The following EPM2A variants were observed in gnomAD, a reference collection of about 807,000 sequenced individuals.
EPM2A encodes the protein laforin.
EPM2A carries 21 observed loss-of-function variants against 26.5 expected under a neutral mutation model. The ratio of observed to expected loss-of-function variants is 0.79; its 90% CI spans 0.56 to 1.14. The LOEUF (loss-of-function observed/expected upper bound fraction) is 1.14, where lower values mean the gene tolerates loss of function less well. Among genes scored for constraint, EPM2A ranks in the 50% most tolerant of loss-of-function variants. The probability of loss-of-function intolerance (pLI) is 0.00; values close to 1 mark genes in which losing one functional copy is unlikely to be tolerated. For missense variants in EPM2A, 458 were observed against 440.8 expected, an observed-to-expected ratio of 1.04 and a Z score of -0.35; for synonymous variants, 217 against 177.6, an observed-to-expected ratio of 1.22 and a Z score of -1.76.
chr6:145,421,484 C>G lies in EPM2A; in HGVS notation c.556-37387G>C, dbSNP rs9497299. Among the ~76,000 whole-genome samples the G allele has an allele frequency of 5.9e-3, 903 of 151,818 alleles. 6 individuals carry two copies. Among genetic ancestry groups the G allele is most frequent in the African/African-American group, 0.021 (865 of 41,418 alleles). On this transcript the variant is annotated intron_variant, in intron 4 of 4. Transcript: ENST00000638717. ...CTTTGTAAAGGTGAAAATAGTATTA[C>G]AGAATAATTTTAATTTCTGTGGATG...
intron 4 of EPM2A, among the ~76,000 whole-genome samples, chr6:145,386,122 G>A (rs1778258622): frequency 6.6e-6 from 1 of 152,034 alleles, no homozygotes; most frequent in African/African-American, 2.4e-5. Flanking sequence ...AGATTTTAGG[G>A]AAAGGTGTAA....
intron 2 of EPM2A, among the ~76,000 whole-genome samples, chr6:145,603,551 T>C (rs994177440): frequency 1.3e-5 from 2 of 152,258 alleles, no homozygotes; most frequent in Non-Finnish European, 2.9e-5. Context: ...TCTCCTGGCA[T>C]GTAGCAGGTG....
intron 2 of EPM2A, among the ~76,000 whole-genome samples, chr6:145,598,616 C>T (rs1401003314): frequency 2.0e-5 from 3 of 152,070 alleles, no homozygotes; most frequent in African/African-American, 7.2e-5. Flanking sequence ...TTAATTAGAT[C>T]CCAGTTGTCA....
chr6:145,481,452 C>A (rs1779610380), intron 4 of EPM2A, among the ~76,000 whole-genome samples: 1 of 152,046 alleles, frequency 6.6e-6, no homozygotes, highest in Admixed American at 6.6e-5. Flanking sequence ...TCAGGGAAAG[C>A]ATTACCGGTA....
intron 2 of EPM2A, among the ~76,000 whole-genome samples, chr6:145,617,585 C>T (rs957745780): frequency 1.3e-5 from 2 of 152,150 alleles, no homozygotes; most frequent in African/African-American, 4.8e-5. Context: ...CATTCATTGA[C>T]TTACAGGAAA....
chr6:145,419,287 TTGGA>T (rs1205209753), intron 4 of EPM2A, among the ~76,000 whole-genome samples: 2 of 151,234 alleles, frequency 1.3e-5, no homozygotes, highest in Non-Finnish European at 2.9e-5. Flanking sequence ...CTCAGATGTG[TTGGA>T]TGGAAAAATA....
At chr6:145,544,580 C>T (rs1442997318) in intron 2 of EPM2A, among the ~76,000 whole-genome samples, 1 of 152,156 alleles carries the variant, frequency 6.6e-6, no homozygotes, top group East Asian at 1.9e-4. Flanking sequence ...GACAAACATC[C>T]TGTACTAAAA....
intron 4 of EPM2A, chr6:145,489,737 G>C: frequency 6.8e-7 from 1 of 1,463,276 alleles, no homozygotes; most frequent in Non-Finnish European, 9.6e-7. Context: ...GATCTTCCCT[G>C]GCAGCCTCAG....
At chr6:145,721,544 A>G (rs1275911157) in intron 1 of EPM2A, 1 of 152,246 alleles carries the variant, frequency 6.6e-6, no homozygotes, top group Non-Finnish European at 1.5e-5. Context: ...TTGACCTGTC[A>G]GCCTTACCAC....
chr6:145,520,318 C>T (rs1308003977), intron 2 of EPM2A, among the ~76,000 whole-genome samples: 3 of 152,206 alleles, frequency 2.0e-5, no homozygotes, highest in Non-Finnish European at 4.4e-5. Flanking sequence ...ACTCAACAGA[C>T]AATTTCAGCC....
downstream of EPM2A, among the ~76,000 whole-genome samples, chr6:145,498,929 A>T (rs1459048713): frequency 3.9e-5 from 6 of 152,076 alleles, no homozygotes; most frequent in African/African-American, 1.4e-4. Flanking sequence ...AATATCTTTT[A>T]AAAATCTGTC....
intron 2 of EPM2A, among the ~76,000 whole-genome samples, chr6:145,669,641 A>G (rs1562467734): frequency 1.3e-5 from 2 of 152,190 alleles, no homozygotes; most frequent in African/African-American, 4.8e-5. Flanking sequence ...CCAAGCTTCC[A>G]CTTCAGCATG....
At position 145,488,397 on chromosome 6, in the gene EPM2A, T is replaced by A. The variant is rs147058206; in HGVS notation, c.555+14125A>T. On this transcript the variant is annotated intron_variant, in intron 4 of 4. Transcript: ENST00000638717. ...TAGGAATAACATTGAAGCTATGAAT[T>A]GCTTTGGGCTGTATGGCTGTTTTAA... Among the ~76,000 whole-genome samples, 23 of 152,196 alleles carry A rather than the reference T, an allele frequency of 1.5e-4. No individual in the cohort carries two copies. In the East Asian group the frequency reaches 4.4e-3, roughly 29 times the overall value.
chr6:145,392,995 T>TA (rs1444782535), intron 4 of EPM2A, among the ~76,000 whole-genome samples: 1 of 151,922 alleles, frequency 6.6e-6, no homozygotes, highest in African/African-American at 2.4e-5. Flanking sequence ...TTCAATCAAT[T>TA]AAAAAAACTT....
chr6:145,401,142 C>T (rs1778479739), intron 4 of EPM2A, among the ~76,000 whole-genome samples: 1 of 151,882 alleles, frequency 6.6e-6, no homozygotes, highest in African/African-American at 2.4e-5. Flanking sequence ...GTCTTTTTCA[C>T]TACAATCAAG....
intron 4 of EPM2A, among the ~76,000 whole-genome samples, chr6:145,450,814 T>C (rs1779186948): frequency 6.6e-6 from 1 of 152,198 alleles, no homozygotes; most frequent in East Asian, 1.9e-4. Context: ...GGAATAACTA[T>C]AGATGAACAT....
intron 4 of EPM2A, among the ~76,000 whole-genome samples, chr6:145,412,558 C>G (rs1044076514): frequency 6.6e-6 from 1 of 152,168 alleles, no homozygotes; most frequent in African/African-American, 2.4e-5. Context: ...TAGCTCTCAA[C>G]ATTGTTCTGG....
intron 4 of EPM2A, among the ~76,000 whole-genome samples, chr6:145,476,733 G>A (rs1582785546): frequency 6.6e-6 from 1 of 151,930 alleles, no homozygotes; most frequent in East Asian, 1.9e-4. Context: ...GAAGGAAACG[G>A]AAAAATGTCA....
At chr6:145,624,735 C>G (rs1775710162), downstream of EPM2A, among the ~76,000 whole-genome samples, 1 of 152,144 alleles carries the variant, frequency 6.6e-6, no homozygotes, top group Non-Finnish European at 1.5e-5. Flanking sequence ...TTCCTATTTC[C>G]TAACTCACTT....
Sources: allele counts gnomAD v4.1 joint callset (sites outside exome capture counted in the v4.1 genomes callset), GRCh38; gene constraint gnomAD v4.1.1; transcripts MANE v1.5; gene names NCBI Gene and HGNC (gene_info 2026-07-23, HGNC 2026-07-21).